The following PHTF2 variants were observed in gnomAD, a reference collection of about 807,000 sequenced individuals.
The protein encoded by PHTF2 is protein PHTF2.
PHTF2 carries 60 observed loss-of-function variants against 101.2 expected under a neutral mutation model. The ratio of observed to expected loss-of-function variants is 0.59; its 90% CI spans 0.48 to 0.73. PHTF2 has a LOEUF of 0.73. Ranked by LOEUF, PHTF2 falls within the 30% of genes least tolerant of loss-of-function variation. PHTF2 has a pLI of 0.00. For synonymous variants in PHTF2, 311 were observed against 307.3 expected (o/e 1.01, Z -0.13); for missense variants, 747 against 908.7 (o/e 0.82, Z 2.29).
At chr7:77,840,690 A>G (rs1392957062) in intron 2 of PHTF2, among the ~76,000 whole-genome samples, 1 of 152,040 alleles carries the variant, frequency 6.6e-6, no homozygotes, top group Non-Finnish European at 1.5e-5. Flanking sequence ...ATGTTTCAGT[A>G]AAATAAAGTT....
intron 1 of PHTF2, among the ~76,000 whole-genome samples, chr7:77,804,296 T>C (rs559717352): frequency 1.3e-5 from 2 of 152,286 alleles, no homozygotes; most frequent in South Asian, 2.1e-4. Flanking sequence ...TATTTTACTC[T>C]TGTAGTCTCT....
chr7:77,894,199 A>G (rs1800692431), intron 5 of PHTF2, among the ~76,000 whole-genome samples: 1 of 152,170 alleles, frequency 6.6e-6, no homozygotes, highest in South Asian at 2.1e-4. Flanking sequence ...TGAACATGTA[A>G]TCATATCTCT....
intron 1 of PHTF2, among the ~76,000 whole-genome samples, chr7:77,827,214 A>G (rs1317764902): frequency 1.3e-5 from 2 of 152,194 alleles, no homozygotes; most frequent in Non-Finnish European, 2.9e-5. Flanking sequence ...CTATAAGCTA[A>G]GGAAACTTTT....
At chr7:77,807,565 G>C (rs551752644) in intron 1 of PHTF2, among the ~76,000 whole-genome samples, 123 of 152,144 alleles carry the variant, frequency 8.1e-4, no homozygotes, top group African/African-American at 2.8e-3. Context: ...TTTTGTTACT[G>C]AGTTGTAGGA....
chr7:77,928,525 CT>C (rs1804272708), intron 11 of PHTF2, among the ~76,000 whole-genome samples: 1 of 152,080 alleles, frequency 6.6e-6, no homozygotes, highest in Non-Finnish European at 1.5e-5. Context: ...ACAGTCATTC[CT>C]GGGTATCCAC....
intron 7 of PHTF2, among the ~76,000 whole-genome samples, chr7:77,902,748 ATGAT>A (rs1801514997): frequency 6.6e-6 from 1 of 152,154 alleles, no homozygotes; most frequent in Admixed American, 6.5e-5. Flanking sequence ...ACAATCCTGA[ATGAT>A]TATTTAAATT....
intron 1 of PHTF2, among the ~76,000 whole-genome samples, chr7:77,822,011 A>G (rs1394894910): frequency 6.6e-6 from 1 of 152,080 alleles, no homozygotes; most frequent in Non-Finnish European, 1.5e-5. Flanking sequence ...GTGTCTCAGG[A>G]CCTGAGTGCA....
At chr7:77,804,313 A>C (rs1283653321) in intron 1 of PHTF2, among the ~76,000 whole-genome samples, 2 of 151,970 alleles carry the variant, frequency 1.3e-5, no homozygotes, top group Admixed American at 1.3e-4. Flanking sequence ...CTCTGTCTTA[A>C]TGAGGGGTTT....
intron 3 of PHTF2, among the ~76,000 whole-genome samples, chr7:77,888,540 G>A (rs1159413172): frequency 6.6e-6 from 1 of 152,118 alleles, no homozygotes; most frequent in Admixed American, 6.6e-5. Context: ...AGAACAGTTA[G>A]GAGGTATCAA....
intron 2 of PHTF2, among the ~76,000 whole-genome samples, chr7:77,842,979 G>A (rs1796003626): frequency 6.6e-6 from 1 of 152,130 alleles, no homozygotes; most frequent in Admixed American, 6.5e-5. Context: ...TGTAGGCCTT[G>A]ATTTGCTGAC....
Position 77,901,895 on chromosome 7 carries a change from G to T in PHTF2, c.420G>T (p.Trp140Cys), listed in dbSNP as rs372722905. Residue 140 changes from tryptophan to cysteine, a missense_variant, in exon 7 of 20, where the codon TGG becomes TGT. Trp to Cys is a radical substitution (Grantham distance 215). Coordinates refer to ENST00000416283, the Ensembl canonical transcript of PHTF2. ...TAACATCAAAGGTCATCTTTTTCTG[G>T]CTTCTTGTCCTTTATCTTCTTCAAG... 13 of 1,592,186 alleles carry T rather than the reference G, an allele frequency of 8.2e-6. No individual in the cohort carries two copies. In the African/African-American group the frequency reaches 1.2e-4, roughly 15 times the overall value.
At chr7:77,923,718 T>C in intron 11 of PHTF2, 1 of 985,210 alleles carries the variant, frequency 1.0e-6, no homozygotes, top group Non-Finnish European at 1.2e-6. Context: ...AATTTTGTCT[T>C]ACTGTATGTA....
At chr7:77,876,616 G>A (rs1367584295) in intron 3 of PHTF2, among the ~76,000 whole-genome samples, 1 of 152,086 alleles carries the variant, frequency 6.6e-6, no homozygotes, top group Non-Finnish European at 1.5e-5. Flanking sequence ...AAGTCAGCTG[G>A]GCTTGGTGGC....
At chr7:77,928,967 G>C (rs942000989) in intron 11 of PHTF2, 142 bp from the exon 11 acceptor site, 7 of 597,114 alleles carry the variant, frequency 1.2e-5, no homozygotes, top group Non-Finnish European at 2.1e-5. Context: ...AATATATTTT[G>C]TAATGTTTTG....
chr7:77,830,349 A>G (rs1293381972), intron 1 of PHTF2, among the ~76,000 whole-genome samples: 2 of 152,202 alleles, frequency 1.3e-5, no homozygotes, highest in East Asian at 1.9e-4. Flanking sequence ...AATTAGGTAC[A>G]GTAAGACAGG....
At chr7:77,835,559 G>C (rs1795391278) in intron 1 of PHTF2, among the ~76,000 whole-genome samples, 1 of 152,024 alleles carries the variant, frequency 6.6e-6, no homozygotes. Flanking sequence ...TGACAATGTG[G>C]GAGACCATAT....
At chr7:77,910,717 C>T (rs1446586448) in intron 9 of PHTF2, among the ~76,000 whole-genome samples, 1 of 152,066 alleles carries the variant, frequency 6.6e-6, no homozygotes, top group East Asian at 1.9e-4. Flanking sequence ...TCTCGGCTCA[C>T]TGCATCCTCT....
chr7:77,819,494 A>G (rs1167194351), intron 1 of PHTF2, among the ~76,000 whole-genome samples: 1 of 152,120 alleles, frequency 6.6e-6, no homozygotes, highest in East Asian at 1.9e-4. Flanking sequence ...AGATGACCAT[A>G]TGGTTTTTGT....
rs1038147010 is a variant in PHTF2, at chr7:77,935,130, C to G, written c.1339-2580C>G. ...TTTTTCAGTGTACATTCCCCCCCCCCACACACACACACAGAGGAATATAGC... is the reference window on the plus strand; with the variant it reads ...TTTTTCAGTGTACATTCCCCCCCCCGACACACACACACAGAGGAATATAGC... On this transcript the variant is annotated intron_variant, in intron 12 of 19. Coordinates refer to ENST00000416283, the Ensembl canonical transcript of PHTF2. Among the ~76,000 whole-genome samples the G allele has an allele frequency of 5.9e-3, 295 of 50,142 alleles. 6 individuals carry two copies. The highest frequency in any genetic ancestry group is 7.3e-3 in the Non-Finnish European group (165 of 22,516). 32.9% of individuals were successfully genotyped at this position (50,142 alleles called of 152,430 possible).
Sources: allele counts gnomAD v4.1 joint callset (sites outside exome capture counted in the v4.1 genomes callset), GRCh38; gene constraint gnomAD v4.1.1; transcripts MANE v1.5; gene names NCBI Gene and HGNC (gene_info 2026-07-23, HGNC 2026-07-21).